The following TKT variants were observed in gnomAD, a reference collection of about 807,000 sequenced individuals.
The protein encoded by TKT is transketolase, also known as epididymis luminal protein 107.
In TKT, 47 loss-of-function variants were observed where a neutral mutation model predicts 63.9. The ratio of observed to expected loss-of-function variants is 0.74; its 90% confidence interval spans 0.58 to 0.94. The LOEUF is 0.94. TKT is among the 40% of genes least tolerant of loss of function. The pLI is 0.00. For missense variants in TKT, 721 were observed against 846.2 expected (o/e 0.85, Z 1.84); for synonymous variants, 338 against 334.1 (o/e 1.01, Z -0.13).
chr3:53,236,199 G>A (rs1705023343), intron 4 of TKT, among the ~76,000 whole-genome samples: 1 of 152,220 alleles, frequency 6.6e-6, no homozygotes, highest in Non-Finnish European at 1.5e-5. Context: ...TGGGCTCAGA[G>A]GGGACATGGC....
At position 53,242,234 on chromosome 3, in the gene TKT, G is replaced by A. The variant is rs1029733241; in HGVS notation, c.116C>T (p.Thr39Met). ...ATTAAGSGHP[T>M]SCCSAAEIMA... ...GATCTCTGCGGCGCTGCAGCATGAC[G>A]TGGGGTGGCTGTGGCCCAGGAGAGA... is the stretch of plus-strand genomic sequence containing the variant. The change falls in exon 2 of 14, where the codon ACG becomes ATG. Residue 39 changes from threonine to methionine, a missense_variant. Physicochemically the swap from Thr to Met is moderately conservative, Grantham distance 81. Coordinates refer to ENST00000462138, the MANE Select transcript of TKT (RefSeq NM_001064.4). 2.5e-6 allele frequency: 4 copies of A among 1,613,968 alleles called. No homozygotes were observed. Among genetic ancestry groups the A allele is most frequent in the Non-Finnish European group, 3.4e-6 (4 of 1,179,962 alleles).
chr3:53,235,454 G>T, intron 4 of TKT: 1 of 308,812 alleles, frequency 3.2e-6, no homozygotes, highest in Non-Finnish European at 6.0e-6. Flanking sequence ...CAGGGATCTG[G>T]CTAATAAGAT....
intron 6 of TKT, chr3:53,231,911 G>A (rs1704781909): frequency 3.4e-6 from 1 of 293,146 alleles, no homozygotes; most frequent in Admixed American, 4.7e-5. Flanking sequence ...GTCACACACA[G>A]GTAGAGGTGT....
chr3:53,240,171 G>A (rs910313799), intron 4 of TKT, 80 bp downstream of exon 4: 7 of 1,361,592 alleles, frequency 5.1e-6, no homozygotes, highest in Non-Finnish European at 7.2e-6. Context: ...GAAGAGTCTG[G>A]GGGCGATGGT....
chr3:53,232,476 G>A, intron 6 of TKT: 1 of 398,952 alleles, frequency 2.5e-6, no homozygotes, highest in Non-Finnish European at 4.4e-6. Context: ...CCCAGGCCCT[G>A]GGATCAGCCC....
intron 1 of TKT, among the ~76,000 whole-genome samples, chr3:53,243,194 A>G (rs1392328162): frequency 6.6e-6 from 1 of 151,772 alleles, no homozygotes; most frequent in Non-Finnish European, 1.5e-5. Flanking sequence ...GAAAGCGTAA[A>G]CTTTCTATTG....
At chr3:53,252,987 C>T (rs1553681859) in intron 1 of TKT, among the ~76,000 whole-genome samples, 1 of 151,938 alleles carries the variant, frequency 6.6e-6, no homozygotes, top group African/African-American at 2.4e-5. Context: ...TTACAGGCGC[C>T]CGCCACCACG....
intron 1 of TKT, among the ~76,000 whole-genome samples, chr3:53,245,077 G>A (rs1454991519): frequency 6.6e-6 from 1 of 151,818 alleles, no homozygotes; most frequent in Non-Finnish European, 1.5e-5. Context: ...GTCAAGGCAG[G>A]CGGATCACCT....
chr3:53,229,960 C>T (rs782425350), intron 8 of TKT, among the ~76,000 whole-genome samples: 8 of 152,198 alleles, frequency 5.3e-5, no homozygotes, highest in Non-Finnish European at 7.3e-5. Context: ...ATGGACAAAA[C>T]ATTGTTCCTT....
chr3:53,226,929 T>A, intron 12 of TKT, 51 bp from the exon 13 acceptor site: 1 of 1,557,104 alleles, frequency 6.4e-7, no homozygotes, highest in Non-Finnish European at 8.7e-7. Context: ...GGCACCACTA[T>A]CTGCCCTGGT....
intron 1 of TKT, among the ~76,000 whole-genome samples, chr3:53,253,317 T>C (rs1297663003): frequency 1.3e-5 from 2 of 148,648 alleles, no homozygotes; most frequent in African/African-American, 5.2e-5. Flanking sequence ...TCTCTCTCTT[T>C]CTTTCTTTTG....
chr3:53,227,929 G>A, intron 12 of TKT, 127 bp downstream of exon 12: 1 of 785,128 alleles, frequency 1.3e-6, no homozygotes, highest in Non-Finnish European at 2.0e-6. Context: ...ATTATTTAAT[G>A]AAATGAAATG....
intron 10 of TKT, chr3:53,228,740 G>A (rs1482355503): frequency 4.0e-5 from 22 of 550,830 alleles, no homozygotes; most frequent in African/African-American, 5.7e-5. Flanking sequence ...TCAGGAGGGT[G>A]GAGAGGTGTC....
At chr3:53,242,600 G>A (rs946885141) in intron 1 of TKT, among the ~76,000 whole-genome samples, 12 of 152,188 alleles carry the variant, frequency 7.9e-5, no homozygotes, top group South Asian at 6.2e-4. Flanking sequence ...CTAGCACTGC[G>A]GCTGGGGGCA....
rs1705265859 is a variant in TKT, at chr3:53,241,335, C to T, written c.226-90G>A. ...CTTCACACTGACCCCTGGGGCCCGG[C>T]CGAGCCGGCCAACTGCAGCATCCAT... On this transcript the variant is annotated intron_variant, in intron 2 of 13. Coordinates refer to ENST00000462138, the MANE Select transcript of TKT (RefSeq NM_001064.4). The T allele has an allele frequency of 2.7e-6, 3 of 1,115,502 alleles. No homozygotes were observed. The East Asian group carries it at 8.7e-5, about 32-fold the overall frequency. The allele number at this position is 1,115,502 out of a possible 1,614,324, so 69.1% of individuals were successfully genotyped here.
chr3:53,238,985 C>G (rs566157005), intron 4 of TKT, among the ~76,000 whole-genome samples: 1 of 152,346 alleles, frequency 6.6e-6, no homozygotes, highest in East Asian at 1.9e-4. Flanking sequence ...TCCCGTAATT[C>G]CTACTGGTTG....
At position 53,229,121 on chromosome 3, in the gene TKT, G is replaced by A. The variant is rs1704628153; in HGVS notation, c.1281C>T (p.Ser427=). Residue 427 remains serine (S), a synonymous_variant, in exon 10 of 14, where the codon TCC becomes TCT. Coordinates refer to ENST00000462138, the MANE Select transcript of TKT (RefSeq NM_001064.4). The stretch of plus-strand genomic sequence containing the variant: ...TAGCCAGATCTTCTAGGGCCATCTG[G>A]GAGGGCCCGTCTTCCCCTGGGGTGT... ...CGVSIGEDGP[S]QMALEDLAMF... The A allele has an allele frequency of 6.2e-7, 1 of 1,614,162 alleles. No individual in the cohort carries two copies. Among genetic ancestry groups the A allele is most frequent in the Non-Finnish European group, 8.5e-7 (1 of 1,180,018 alleles).
chr3:53,233,405 A>T, intron 5 of TKT, 131 bp from the exon 6 acceptor site: 1 of 557,208 alleles, frequency 1.8e-6, no homozygotes, highest in East Asian at 3.3e-5. Context: ...CCTCAGCTGG[A>T]GTAGTAGAAA....
rs781867503 is a variant in TKT, at chr3:53,230,570, T to G, written c.994A>C (p.Ser332Arg). ...CCATCCAGGGCGATGATGCGGTCAC[T>G]GGCATGGCCCAGCTTGGCCAGTGCC... ...GQALAKLGHASDRIIALDGDT... is the reference protein window; with the variant it reads ...GQALAKLGHARDRIIALDGDT... Residue 332 changes from serine (S) to arginine (R), a missense_variant, in exon 8 of 14, where the codon AGT becomes CGT. By Grantham distance (110) the Ser-to-Arg change is moderately radical. Coordinates refer to ENST00000462138, the MANE Select transcript of TKT (RefSeq NM_001064.4). The G allele has an allele frequency of 6.2e-7, 1 of 1,614,222 alleles. No individual in the cohort carries two copies.
Sources: allele counts gnomAD v4.1 joint callset (sites outside exome capture counted in the v4.1 genomes callset), GRCh38; gene constraint gnomAD v4.1.1; transcripts MANE v1.5; gene names NCBI Gene and HGNC (gene_info 2026-07-23, HGNC 2026-07-21).